CNKSR3: variants seen among roughly 807,000 people sequenced by gnomAD.
CNKSR3 encodes the protein CNKSR family member 3, also known as connector enhancer of kinase suppressor of ras 3.
In CNKSR3, 36 loss-of-function variants were observed where a neutral mutation model predicts 67.7. That is an observed-to-expected ratio of 0.53 (90% CI 0.41 to 0.70). The LOEUF (loss-of-function observed/expected upper bound fraction) is 0.70, where lower values mean the gene tolerates loss of function less well. Ranked by LOEUF, CNKSR3 falls within the 30% of genes least tolerant of loss-of-function variation. The pLI is 0.00. For missense variants in CNKSR3, 630 were observed against 695.2 expected (o/e 0.91, Z 1.05); for synonymous variants, 281 against 271.4 (o/e 1.04, Z -0.35).
At chr6:154,488,580 T>C (rs1486503537) in intron 1 of CNKSR3, among the ~76,000 whole-genome samples, 1 of 152,194 alleles carries the variant, frequency 6.6e-6, no homozygotes, top group Non-Finnish European at 1.5e-5. Flanking sequence ...TCAATATTCA[T>C]TCTAGGGATG....
Position 154,479,197 on chromosome 6 carries a change from A to G in CNKSR3, c.53-28939T>C, listed in dbSNP as rs971483244. Among the ~76,000 whole-genome samples the G allele has an allele frequency of 5.4e-5, 8 of 149,418 alleles. No individual in the cohort carries two copies. The South Asian group carries it at 1.7e-3, about 32-fold the overall frequency. The stretch of plus-strand genomic sequence containing the variant: ...CAGGACTCAAGACAAATGGCTCCCA[A>G]TAAAGGAGATGGATTCAGAGAAAAA... On this transcript the variant is annotated intron_variant, in intron 1 of 12. Transcript: ENST00000607772.
At chr6:154,467,513 C>T (rs1031095409) in intron 1 of CNKSR3, among the ~76,000 whole-genome samples, 7 of 152,204 alleles carry the variant, frequency 4.6e-5, no homozygotes, top group South Asian at 2.1e-4. Context: ...TGCTTACGAT[C>T]GCCACAGCTG....
In CNKSR3 at chr6:154,391,969, T is replaced by C. The variant is rs1784612404; in HGVS notation, c.*14385A>G. 6.6e-6 allele frequency: 1 copy of C among 152,224 alleles called. No homozygotes were observed. The highest frequency in any genetic ancestry group is 2.4e-5 in the African/African-American group (1 of 41,442). The allele number at this position is 152,224 out of a possible 1,614,324, so 9.4% of individuals were successfully genotyped here. Reference sequence around the variant, plus strand: ...GCTCATGCCTGTAATCCCAGCACTTTGGAAGGCTGAGGCAGGCGGATCATG... The same window carrying C: ...GCTCATGCCTGTAATCCCAGCACTTCGGAAGGCTGAGGCAGGCGGATCATG... On this transcript the variant is annotated 3_prime_UTR_variant, in exon 13 of 13. Transcript: ENST00000607772.
intron 1 of CNKSR3, among the ~76,000 whole-genome samples, chr6:154,493,351 C>T (rs1480174018): frequency 6.6e-6 from 1 of 152,208 alleles, no homozygotes; most frequent in African/African-American, 2.4e-5. Context: ...ATTTTACAAT[C>T]ATCTTTCTAC....
chr6:154,421,501 C>T (rs929480344), intron 9 of CNKSR3, among the ~76,000 whole-genome samples: 2 of 152,178 alleles, frequency 1.3e-5, no homozygotes, highest in East Asian at 1.9e-4. Flanking sequence ...AAGGTTATTG[C>T]TTTTCATTCT....
intron 1 of CNKSR3, among the ~76,000 whole-genome samples, chr6:154,502,400 T>C (rs1355981274): frequency 6.6e-6 from 1 of 151,664 alleles, no homozygotes; most frequent in East Asian, 1.9e-4. Context: ...TTTCACCATG[T>C]TGGCCAGGCT....
At chr6:154,458,123 G>C (rs570788659) in intron 1 of CNKSR3, among the ~76,000 whole-genome samples, 1 of 152,304 alleles carries the variant, frequency 6.6e-6, no homozygotes, top group East Asian at 1.9e-4. Context: ...AGCTGTGATA[G>C]AGACGTATGG....
intron 9 of CNKSR3, among the ~76,000 whole-genome samples, chr6:154,415,658 G>A (rs549464527): frequency 6.6e-6 from 1 of 152,308 alleles, no homozygotes; most frequent in Admixed American, 6.5e-5. Flanking sequence ...GGTAACACAT[G>A]TAAACAACTT....
chr6:154,413,509 C>T (rs1167345731), intron 10 of CNKSR3, among the ~76,000 whole-genome samples: 5 of 151,920 alleles, frequency 3.3e-5, no homozygotes, highest in African/African-American at 9.7e-5. Flanking sequence ...GAAATATTGG[C>T]GTGAGACACC....
chr6:154,432,877 G>C (rs1044085262), intron 5 of CNKSR3, among the ~76,000 whole-genome samples: 2 of 152,162 alleles, frequency 1.3e-5, no homozygotes, highest in African/African-American at 4.8e-5. Flanking sequence ...CTTTCCAAGG[G>C]GGAGAATCCA....
At chr6:154,421,075 G>A (rs9479845) in intron 9 of CNKSR3, among the ~76,000 whole-genome samples, 100 of 152,182 alleles carry the variant, frequency 6.6e-4, no homozygotes, top group African/African-American at 2.3e-3. Flanking sequence ...GTGTAGTGCC[G>A]CGATCTCAGC....
intron 5 of CNKSR3, among the ~76,000 whole-genome samples, chr6:154,431,119 A>G (rs552351342): frequency 6.6e-6 from 1 of 152,142 alleles, no homozygotes; most frequent in East Asian, 1.9e-4. Context: ...TATTATTAAC[A>G]TCTTGTACTA....
At chr6:154,465,864 A>G in intron 1 of CNKSR3, among the ~76,000 whole-genome samples, 1 of 152,158 alleles carries the variant, frequency 6.6e-6, no homozygotes, top group East Asian at 1.9e-4. Context: ...TCTAAATAAC[A>G]CTCAAAAATA....
chr6:154,487,561 A>C (rs1359645746), intron 1 of CNKSR3, among the ~76,000 whole-genome samples: 3 of 152,202 alleles, frequency 2.0e-5, no homozygotes, highest in East Asian at 3.8e-4. Flanking sequence ...AATGTTTCAG[A>C]ATGAGGAACG....
At chr6:154,472,798 A>G (rs1233191950) in intron 1 of CNKSR3, among the ~76,000 whole-genome samples, 1 of 76,012 alleles carries the variant, frequency 1.3e-5, no homozygotes, top group Non-Finnish European at 2.5e-5. Flanking sequence ...TACATCTTTA[A>G]AAGGAAAAAA....
At chr6:154,422,707 C>T (rs577525341) in intron 8 of CNKSR3, 55 bp from the exon 9 acceptor site, 60 of 1,588,026 alleles carry the variant, frequency 3.8e-5, no homozygotes, top group Admixed American at 1.3e-4. Flanking sequence ...CGAAAAAAAC[C>T]GAACCTATGA....
chr6:154,423,123 CCT>C lies in CNKSR3; in HGVS notation c.730-142_730-141del, dbSNP rs1584066832. ...AAAATAAAACAATGCACTTTATTCCCCTGAGACTACACAGTCTATAGGACCTT... is the reference window on the plus strand; with the variant it reads ...AAAATAAAACAATGCACTTTATTCCCGAGACTACACAGTCTATAGGACCTT... On this transcript the variant is annotated intron_variant, in intron 7 of 12. Transcript: ENST00000607772. The C allele has an allele frequency of 8.3e-5, 52 of 628,332 alleles. No individual in the cohort carries two copies. The East Asian group carries it at 1.4e-3, about 17-fold the overall frequency. 38.9% of individuals were successfully genotyped at this position (628,332 alleles called of 1,614,324 possible).
At chr6:154,478,942 G>A (rs1786508724) in intron 1 of CNKSR3, among the ~76,000 whole-genome samples, 1 of 152,180 alleles carries the variant, frequency 6.6e-6, no homozygotes, top group South Asian at 2.1e-4. Context: ...AAAGCAGCTT[G>A]GACACTCCTT....
chr6:154,439,943 G>A (rs116717028), intron 4 of CNKSR3, among the ~76,000 whole-genome samples: 2,600 of 152,182 alleles, frequency 0.017, 63 homozygotes, highest in African/African-American at 0.059. Flanking sequence ...GAAGAGGGAA[G>A]CAAGGGAGAA....
Sources: gnomAD v4.1 joint callset for allele counts (sites outside exome capture counted in the v4.1 genomes callset) on GRCh38, gnomAD v4.1.1 for gene constraint, MANE v1.5 for transcripts, NCBI Gene and HGNC (gene_info 2026-07-23, HGNC 2026-07-21) for gene names.